PLD5: variants seen among roughly 807,000 people sequenced by gnomAD.
The protein encoded by PLD5 is phospholipase D family member 5.
PLD5 carries 36 observed loss-of-function variants against 61.1 expected under a neutral mutation model. That is an observed-to-expected ratio of 0.59 (90% confidence interval 0.45 to 0.78). The LOEUF (loss-of-function observed/expected upper bound fraction) is 0.78, where lower values mean the gene tolerates loss of function less well. PLD5 is among the 30% of genes least tolerant of loss of function. The pLI, the probability that PLD5 is intolerant of heterozygous loss-of-function variation, is 0.00. For synonymous variants in PLD5, 243 were observed against 242.8 expected, an observed-to-expected ratio of 1.00 and a Z score of -0.01; for missense variants, 515 against 644.4, an observed-to-expected ratio of 0.80 and a Z score of 2.17.
At chr1:242,512,726 A>C (rs185485474) in intron 1 of PLD5, among the ~76,000 whole-genome samples, 3 of 152,342 alleles carry the variant, frequency 2.0e-5, no homozygotes, top group African/African-American at 7.2e-5. Flanking sequence ...TCTCAGGAGA[A>C]AATCAATGAA....
rs569265020 is a variant in PLD5, at chr1:242,482,667, A to C, written c.189+41421T>G. 5.9e-5 allele frequency among the ~76,000 whole-genome samples: 9 copies of C among 152,328 alleles called. No individual in the cohort carries two copies. In the South Asian group the frequency reaches 1.9e-3, roughly 32 times the overall value. On this transcript the variant is annotated intron_variant, in intron 1 of 9. Coordinates refer to ENST00000536534, the MANE Select transcript of PLD5 (RefSeq NM_001372062.1). ...TTATCCAGGAGAACTTCCCCAACCT[A>C]GCAAGGCAGGCCAACATTCAAATTC...
At chr1:242,241,883 A>ATATATATATATATATATACTTACTG (rs1672038960) in intron 4 of PLD5, among the ~76,000 whole-genome samples, 12 of 32,142 alleles carry the variant, frequency 3.7e-4, no homozygotes, top group African/African-American at 1.3e-3. Context: ...ATATATATAT[A>ATATATATATATATATATACTTACTG]TATATATATA....
At chr1:242,354,282 C>T (rs866294486) in intron 1 of PLD5, among the ~76,000 whole-genome samples, 56 of 152,260 alleles carry the variant, frequency 3.7e-4, no homozygotes, top group Admixed American at 2.9e-3. Flanking sequence ...TGGCCTTTTT[C>T]CTAGAGAGTT....
intron 8 of PLD5, among the ~76,000 whole-genome samples, chr1:242,105,306 C>A (rs2148678982): frequency 6.6e-6 from 1 of 152,160 alleles, no homozygotes; most frequent in Middle Eastern, 3.4e-3. Context: ...TCACTGCAAC[C>A]TCTGCCTCCC....
At chr1:242,288,804 C>A (rs1675180512) in intron 2 of PLD5, among the ~76,000 whole-genome samples, 1 of 152,122 alleles carries the variant, frequency 6.6e-6, no homozygotes, top group Non-Finnish European at 1.5e-5. Flanking sequence ...CAGTTTCAAT[C>A]TAGCCTGGAA....
intron 3 of PLD5, among the ~76,000 whole-genome samples, chr1:242,273,523 A>C (rs1169032949): frequency 6.6e-6 from 1 of 152,184 alleles, no homozygotes; most frequent in Non-Finnish European, 1.5e-5. Flanking sequence ...TAATACTTTC[A>C]AAAAAATCCA....
At chr1:242,316,711 C>G (rs1658017668) in intron 2 of PLD5, among the ~76,000 whole-genome samples, 1 of 152,002 alleles carries the variant, frequency 6.6e-6, no homozygotes, top group Non-Finnish European at 1.5e-5. Flanking sequence ...TTTCATCACC[C>G]AGGTATTAAG....
intron 1 of PLD5, among the ~76,000 whole-genome samples, chr1:242,506,852 A>T (rs188064374): frequency 6.6e-6 from 1 of 152,306 alleles, no homozygotes; most frequent in African/African-American, 2.4e-5. Context: ...GATGTGCGGG[A>T]GCTCAGGCAA....
intron 3 of PLD5, among the ~76,000 whole-genome samples, chr1:242,270,538 A>C (rs1319661316): frequency 6.6e-6 from 1 of 152,100 alleles, no homozygotes; most frequent in Admixed American, 6.6e-5. Flanking sequence ...GGTATTCTTA[A>C]AGAAAGTTAC....
At chr1:242,317,059 G>A (rs1658058194) in intron 2 of PLD5, among the ~76,000 whole-genome samples, 1 of 150,960 alleles carries the variant, frequency 6.6e-6, no homozygotes, top group Admixed American at 6.6e-5. Context: ...CCAGTCTGGA[G>A]TGCAATGATG....
intron 7 of PLD5, among the ~76,000 whole-genome samples, chr1:242,112,304 T>G (rs145212430): frequency 0.021 from 1,511 of 72,546 alleles, 32 homozygotes; most frequent in African/African-American, 0.088. Flanking sequence ...TGTGTGTGTG[T>G]GTGTGTGTGT....
rs555799313 is a variant in PLD5 at position 242,297,142 on chromosome 1, G to A, written c.327-8612C>T. On this transcript the variant is annotated intron_variant, in intron 2 of 9. Coordinates refer to ENST00000536534, the MANE Select transcript of PLD5 (RefSeq NM_001372062.1). Reference sequence around the variant, plus strand: ...AAGCAGATCATGAGGTCAAGAGATCGAGACCATCCTGGCCAACATGGTGAA... The same window carrying A: ...AAGCAGATCATGAGGTCAAGAGATCAAGACCATCCTGGCCAACATGGTGAA... 9.9e-5 allele frequency among the ~76,000 whole-genome samples: 15 copies of A among 152,046 alleles called. No individual in the cohort carries two copies. In the East Asian group the frequency reaches 2.9e-3, roughly 30 times the overall value.
chr1:242,294,983 C>T (rs1675569349), intron 2 of PLD5, among the ~76,000 whole-genome samples: 1 of 152,174 alleles, frequency 6.6e-6, no homozygotes, highest in Non-Finnish European at 1.5e-5. Context: ...TAAAAAGGTG[C>T]ATGGCAGTCA....
intron 3 of PLD5, among the ~76,000 whole-genome samples, chr1:242,272,466 C>T (rs923082984): frequency 3.3e-5 from 5 of 152,080 alleles, no homozygotes; most frequent in Admixed American, 3.3e-4. Flanking sequence ...GTTTGTGGAA[C>T]ATTTACAAAA....
chr1:242,214,188 G>A (rs932839765), intron 5 of PLD5, among the ~76,000 whole-genome samples: 3 of 152,138 alleles, frequency 2.0e-5, no homozygotes, highest in Admixed American at 6.5e-5. Flanking sequence ...ACTGTTTACT[G>A]ATGGTTCAGG....
intron 6 of PLD5, among the ~76,000 whole-genome samples, chr1:242,122,304 C>G (rs1662446529): frequency 6.6e-6 from 1 of 152,196 alleles, no homozygotes. Flanking sequence ...CTGACTCTTT[C>G]CCTGTTTAAG....
Position 242,090,045 on chromosome 1 carries a change from C to A in PLD5, c.1420G>T (p.Ala474Ser). 6.2e-7 allele frequency: 1 copy of A among 1,614,188 alleles called. No homozygotes were observed. Among genetic ancestry groups the A allele is most frequent in the Non-Finnish European group, 8.5e-7 (1 of 1,180,036 alleles). The change falls in exon 10 of 10, where the codon GCA becomes TCA. Residue 474 changes from alanine to serine, a missense_variant. Transcript: ENST00000536534. ...NAGTGLVINQ[A>S]DVRNNRSIIK... ...ATGCTTCTGTTGTTCCTCACATCTG[C>A]CTGGTTGATAACAAGGCCCGTGCCA...
At chr1:242,511,059 ACTATTCTGTAGTACC>A (rs1456437972) in intron 1 of PLD5, among the ~76,000 whole-genome samples, 1 of 152,150 alleles carries the variant, frequency 6.6e-6, no homozygotes, top group Admixed American at 6.5e-5. Context: ...GTAAACCTGG[ACTATTCTGTAGTACC>A]ACAGCATAAG....
At chr1:242,296,199 C>T (rs1170770284) in intron 2 of PLD5, among the ~76,000 whole-genome samples, 1 of 152,078 alleles carries the variant, frequency 6.6e-6, no homozygotes, top group African/African-American at 2.4e-5. Context: ...GATATGTCTC[C>T]TTTTGAAAAG....
Sources: allele counts gnomAD v4.1 joint callset (sites outside exome capture counted in the v4.1 genomes callset), GRCh38; gene constraint gnomAD v4.1.1; transcripts MANE v1.5; gene names NCBI Gene and HGNC (gene_info 2026-07-23, HGNC 2026-07-21).